Variants in ADCY5 observed in about 807,000 individuals in gnomAD.
ADCY5 encodes adenylate cyclase 5, also known as adenylate cyclase type 5.
A neutral mutation model predicts 119.7 loss-of-function variants in ADCY5; 30 were observed. That is an observed-to-expected ratio of 0.25 (90% CI 0.19 to 0.34). The LOEUF (loss-of-function observed/expected upper bound fraction) is 0.34, where lower values mean the gene tolerates loss of function less well. ADCY5 is among the 10% of genes least tolerant of loss of function. The probability of loss-of-function intolerance (pLI) is 1.00; values close to 1 mark genes in which losing one functional copy is unlikely to be tolerated. For synonymous variants in ADCY5, 753 were observed against 762.2 expected, an observed-to-expected ratio of 0.99 and a Z score of 0.20; for missense variants, 1,324 against 1,775.2, an observed-to-expected ratio of 0.75 and a Z score of 4.57.
At chr3:123,354,250 G>A (rs949261158) in intron 1 of ADCY5, among the ~76,000 whole-genome samples, 1 of 152,224 alleles carries the variant, frequency 6.6e-6, no homozygotes, top group African/African-American at 2.4e-5. Flanking sequence ...AAGGACTGCT[G>A]AACCAAAGAA....
intron 1 of ADCY5, among the ~76,000 whole-genome samples, chr3:123,394,365 G>A (rs976700895): frequency 6.6e-6 from 1 of 151,996 alleles, no homozygotes; most frequent in African/African-American, 2.4e-5. Flanking sequence ...CATATCTAGG[G>A]TAGCACCTCA....
intron 1 of ADCY5, among the ~76,000 whole-genome samples, chr3:123,396,644 CAGAA>C (rs1235396475): frequency 4.9e-5 from 6 of 121,590 alleles, no homozygotes; most frequent in Admixed American, 2.8e-4. Flanking sequence ...GGGAAGGAGA[CAGAA>C]AGAGAGAGAG....
intron 1 of ADCY5, among the ~76,000 whole-genome samples, chr3:123,417,683 C>T (rs1472022714): frequency 6.6e-6 from 1 of 152,136 alleles, no homozygotes; most frequent in Non-Finnish European, 1.5e-5. Flanking sequence ...GGTCTAAATC[C>T]GATCCATTCA....
intron 3 of ADCY5, among the ~76,000 whole-genome samples, chr3:123,337,018 T>A (rs561225223): frequency 2.0e-5 from 3 of 152,304 alleles, no homozygotes; most frequent in South Asian, 4.2e-4. Flanking sequence ...GTGACTGCAC[T>A]ATGTAGCCAG....
chr3:123,395,930 A>AGAAGGAAGGAAGGAAGGAAGGAAG (rs909657839), intron 1 of ADCY5, among the ~76,000 whole-genome samples: 29 of 146,238 alleles, frequency 2.0e-4, no homozygotes, highest in African/African-American at 7.3e-4. Context: ...AGGAGTGGAG[A>AGAAGGAAGGAAGGAAGGAAGGAAG]GAAGGAAGGA....
intron 6 of ADCY5, 94 bp from the exon 7 acceptor site, chr3:123,327,853 A>G (rs1941571279): frequency 7.0e-7 from 1 of 1,434,070 alleles, no homozygotes; most frequent in South Asian, 1.3e-5. Context: ...TAGTGGGTTC[A>G]CCACAATTCA....
chr3:123,332,112 C>T (rs1393630110), intron 4 of ADCY5, among the ~76,000 whole-genome samples: 6 of 152,148 alleles, frequency 3.9e-5, no homozygotes, highest in Admixed American at 2.0e-4. Flanking sequence ...TTCTGGATGC[C>T]GCTAGGGAAT....
At chr3:123,297,179 GCCCC>G in intron 16 of ADCY5, 170 bp downstream of exon 16, 1 of 1,339,596 alleles carries the variant, frequency 7.5e-7, no homozygotes, top group Non-Finnish European at 1.0e-6. Flanking sequence ...CAGGGCCTCT[GCCCC>G]CCGAGGACGC....
At chr3:123,296,329 C>T in intron 16 of ADCY5, 113 bp from the exon 17 acceptor site, 7 of 1,230,514 alleles carry the variant, frequency 5.7e-6, no homozygotes, top group Non-Finnish European at 7.8e-6. Flanking sequence ...CTATACCTTC[C>T]CCTCTTCCTT....
chr3:123,441,103 A>G (rs1372936401), intron 1 of ADCY5, among the ~76,000 whole-genome samples: 1 of 152,208 alleles, frequency 6.6e-6, no homozygotes, highest in African/African-American at 2.4e-5. Context: ...TTCCAGGCTT[A>G]GGTGTAACCT....
chr3:123,404,904 T>C (rs1355277317), intron 1 of ADCY5, among the ~76,000 whole-genome samples: 1 of 152,210 alleles, frequency 6.6e-6, no homozygotes, highest in Non-Finnish European at 1.5e-5. Flanking sequence ...TCAGACCCCA[T>C]CTTCAACTGG....
At chr3:123,376,045 G>A (rs759384758) in intron 1 of ADCY5, among the ~76,000 whole-genome samples, 6 of 151,688 alleles carry the variant, frequency 4.0e-5, no homozygotes, top group Middle Eastern at 3.2e-3. Context: ...GCCTTAATCC[G>A]CCTGCTCACC....
intron 1 of ADCY5, among the ~76,000 whole-genome samples, chr3:123,439,832 A>G (rs1945692281): frequency 6.6e-6 from 1 of 152,264 alleles, no homozygotes; most frequent in African/African-American, 2.4e-5. Flanking sequence ...AATGATTATT[A>G]TCTGAACAAA....
chr3:123,332,937 T>C (rs192982740), intron 3 of ADCY5, among the ~76,000 whole-genome samples: 1 of 150,934 alleles, frequency 6.6e-6, no homozygotes, highest in African/African-American at 2.4e-5. Context: ...TTTTTTTTTT[T>C]GGGTAGAGAC....
chr3:123,390,656 C>T (rs1232345905), intron 1 of ADCY5, among the ~76,000 whole-genome samples: 2 of 152,226 alleles, frequency 1.3e-5, no homozygotes, highest in Non-Finnish European at 2.9e-5. Flanking sequence ...CTTGGCCTCC[C>T]CTGGGGCGTG....
rs1053423446 is a variant in ADCY5 at position 123,286,940 on chromosome 3, G to A, written c.3533-131C>T. 8 of 1,305,510 alleles carry A rather than the reference G, an allele frequency of 6.1e-6. No individual in the cohort carries two copies. In the African/African-American group the frequency reaches 9.0e-5, roughly 15 times the overall value. The allele number at this position is 1,305,510 out of a possible 1,614,324, so 80.9% of individuals were successfully genotyped here. ...CCCGTGGGCTTCCAGGCCCAAGGCT[G>A]TGCTAAACCCTGCAGCCTCCCGCTA... is the stretch of plus-strand genomic sequence containing the variant. On this transcript the variant is annotated intron_variant, in intron 19 of 20. Coordinates refer to ENST00000462833, the MANE Select transcript of ADCY5 (RefSeq NM_183357.3). The surrounding 1 kb of genome is among the most constrained non-coding windows in gnomAD (Gnocchi z 4.2).
chr3:123,347,706 T>TGAAA lies in ADCY5; in HGVS notation c.1406+72_1406+75dup, dbSNP rs2108480719. 8.4e-7 allele frequency: 1 copy of TGAAA among 1,185,300 alleles called. No individual in the cohort carries two copies. Among genetic ancestry groups the TGAAA allele is most frequent in the Non-Finnish European group, 1.1e-6 (1 of 891,320 alleles). The allele number at this position is 1,185,300 out of a possible 1,614,324, so 73.4% of individuals were successfully genotyped here. A position where few individuals can be genotyped will look rare whatever the true frequency, so the allele number is the denominator to read the frequency against. ...GCCACCCTGTCGGGCTGTGCCCACT[T>TGAAA]GAAAGGAAGTGGGATGTCTCCACAG... On this transcript the variant is annotated intron_variant, in intron 3 of 20. Transcript: ENST00000462833.
At chr3:123,319,876 G>T in intron 9 of ADCY5, 58 bp from the exon 10 acceptor site, 1 of 1,591,110 alleles carries the variant, frequency 6.3e-7, no homozygotes, top group Non-Finnish European at 8.6e-7. Flanking sequence ...CCAGCAGAGG[G>T]CTGGCTCTTC....
chr3:123,298,271 G>C (rs548794336), intron 15 of ADCY5, among the ~76,000 whole-genome samples: 1 of 152,286 alleles, frequency 6.6e-6, no homozygotes, highest in African/African-American at 2.4e-5. Context: ...GTGAGCTACA[G>C]CACCCGGCCC....
Sources: gnomAD v4.1 joint callset for allele counts (sites outside exome capture counted in the v4.1 genomes callset) on GRCh38, gnomAD v4.1.1 for gene constraint, Gnocchi (gnomAD v3.1) non-coding constraint, MANE v1.5 for transcripts, NCBI Gene and HGNC (gene_info 2026-07-23, HGNC 2026-07-21) for gene names.